FRY: variants seen among roughly 807,000 people sequenced by gnomAD.
The protein encoded by FRY is protein furry homolog.
A neutral mutation model predicts 348.4 loss-of-function variants in FRY; 128 were observed. The ratio of observed to expected loss-of-function variants is 0.37; its 90% CI spans 0.32 to 0.43. The LOEUF (loss-of-function observed/expected upper bound fraction) is 0.43, where lower values mean the gene tolerates loss of function less well. FRY is among the 20% of genes least tolerant of loss of function. The pLI is 1.00. For synonymous variants in FRY, 1,370 were observed against 1,374.7 expected (o/e 1.00, Z 0.08); for missense variants, 2,736 against 3,695.2 (o/e 0.74, Z 6.73).
chr13:32,239,616 A>G lies in FRY; in HGVS notation c.6517-95A>G. 1.1e-6 allele frequency: 1 copy of G among 876,986 alleles called. No homozygotes were observed. Among genetic ancestry groups the G allele is most frequent in the Non-Finnish European group, 1.9e-6 (1 of 537,950 alleles). 54.3% of individuals were successfully genotyped at this position (876,986 alleles called of 1,614,324 possible). On this transcript the variant is annotated intron_variant, in intron 45 of 60. Transcript: ENST00000542859. The surrounding 1 kb of genome is among the most constrained non-coding windows in gnomAD (Gnocchi z 4.3). The stretch of plus-strand genomic sequence containing the variant: ...TAATTACCAAAAAGTGTATCAATCT[A>G]CTTTCCAGATGGCCAGAGCTTATAG...
At chr13:32,224,106 A>AC in intron 36 of FRY, 129 bp from the exon 37 acceptor site, 1 of 953,320 alleles carries the variant, frequency 1.0e-6, no homozygotes, top group Non-Finnish European at 1.6e-6. Context: ...CCTAAAAAAA[A>AC]TTTAAAAATG....
chr13:32,062,218 A>G (rs866474359), intron 1 of FRY, among the ~76,000 whole-genome samples: 2 of 151,898 alleles, frequency 1.3e-5, no homozygotes, highest in African/African-American at 4.8e-5. Context: ...ACAAGCATAC[A>G]AGATAAATGA....
chr13:32,159,152 C>T (rs1409519833), intron 16 of FRY, among the ~76,000 whole-genome samples: 2 of 151,794 alleles, frequency 1.3e-5, no homozygotes, highest in African/African-American at 4.8e-5. Context: ...CCTATTCAAA[C>T]ATCTTAAGAC....
intron 1 of FRY, among the ~76,000 whole-genome samples, chr13:32,050,573 G>A (rs1051682712): frequency 2.0e-5 from 3 of 152,112 alleles, no homozygotes; most frequent in African/African-American, 4.8e-5. Context: ...CTAATCTTAG[G>A]GGAATTTTTG....
chr13:32,117,640 C>T (rs1384545095), intron 4 of FRY, among the ~76,000 whole-genome samples, 167 bp downstream of exon 4: 3 of 152,150 alleles, frequency 2.0e-5, no homozygotes, highest in South Asian at 2.1e-4. Flanking sequence ...ATTTGGAGCA[C>T]CGAGTCACTG....
intron 50 of FRY, 103 bp from the exon 51 acceptor site, chr13:32,254,121 T>TG: frequency 3.1e-6 from 3 of 982,160 alleles, no homozygotes; most frequent in Non-Finnish European, 5.0e-6. Flanking sequence ...AGGAATTAGG[T>TG]GTGTACTGGA....
intron 46 of FRY, 37 bp from the exon 47 acceptor site, chr13:32,244,005 G>A (rs1444481536): frequency 6.2e-7 from 1 of 1,609,674 alleles, no homozygotes; most frequent in Non-Finnish European, 8.5e-7. Context: ...CGGAGATCTG[G>A]TGTGTGACTG....
rs534715950 is a variant in FRY, at chr13:32,295,812, A to G, written c.*352A>G. 3.8e-5 allele frequency: 10 copies of G among 264,950 alleles called. No individual in the cohort carries two copies. In the East Asian group the frequency reaches 6.7e-4, roughly 18 times the overall value. 16.4% of individuals were successfully genotyped at this position (264,950 alleles called of 1,614,324 possible). ...TTTCTAGAAACAATTTTAGATTGGC[A>G]AAAGTGCAATGTTTTCTTCACTCAA... On this transcript the variant is annotated 3_prime_UTR_variant, in exon 61 of 61. Coordinates refer to ENST00000542859, the MANE Select transcript of FRY (RefSeq NM_023037.3).
intron 1 of FRY, among the ~76,000 whole-genome samples, chr13:32,056,236 G>C (rs1373412649): frequency 6.6e-6 from 1 of 151,264 alleles, no homozygotes; most frequent in African/African-American, 2.4e-5. Context: ...ATCAGAGAAT[G>C]GGTGATCTTT....
chr13:32,186,467 C>G, intron 27 of FRY, 47 bp downstream of exon 27: 1 of 1,197,794 alleles, frequency 8.3e-7, no homozygotes, highest in Non-Finnish European at 1.2e-6. Context: ...TGGATGGTCT[C>G]TCTCGTTAAA....
chr13:32,036,088 A>T (rs946567173), intron 1 of FRY, among the ~76,000 whole-genome samples: 5 of 152,212 alleles, frequency 3.3e-5, no homozygotes, highest in Admixed American at 1.3e-4. Context: ...ATGCCTGTTT[A>T]TGTTGCAAGT....
intron 8 of FRY, among the ~76,000 whole-genome samples, chr13:32,133,764 C>CTTTTTTTTT (rs1259372646): frequency 2.1e-3 from 228 of 108,314 alleles, no homozygotes; most frequent in Middle Eastern, 5.4e-3. Flanking sequence ...TTCTTTCTTT[C>CTTTTTTTTT]TTTCTTTTTT....
At chr13:32,130,495 TTG>T (rs1879291586) in intron 7 of FRY, among the ~76,000 whole-genome samples, 1 of 151,756 alleles carries the variant, frequency 6.6e-6, no homozygotes, top group African/African-American at 2.4e-5. Flanking sequence ...TGTGTATTTT[TTG>T]GTGAATAGAC....
At chr13:32,053,898 G>A (rs1400954273) in intron 1 of FRY, among the ~76,000 whole-genome samples, 3 of 152,116 alleles carry the variant, frequency 2.0e-5, no homozygotes, top group African/African-American at 7.2e-5. Context: ...ACTGCACAAG[G>A]AGAATCGCTT....
At chr13:32,047,267 G>A (rs193096005) in intron 1 of FRY, among the ~76,000 whole-genome samples, 60 of 152,260 alleles carry the variant, frequency 3.9e-4, no homozygotes, top group African/African-American at 1.4e-3. Context: ...GTAAGTTAAT[G>A]GTTTTGTCAT....
At chr13:32,124,123 C>G (rs1438748740) in intron 4 of FRY, among the ~76,000 whole-genome samples, 163 bp from the exon 5 acceptor site, 1 of 152,144 alleles carries the variant, frequency 6.6e-6, no homozygotes, top group Admixed American at 6.5e-5. Flanking sequence ...CAGGCATGAG[C>G]CACTCCGCCC....
At position 32,297,267 on chromosome 13, in the gene FRY, AT is replaced by A. The variant is rs1486087334; in HGVS notation, c.*1814del. On this transcript the variant is annotated 3_prime_UTR_variant, in exon 61 of 61. Transcript: ENST00000542859. Reference sequence around the variant, plus strand: ...TGAAAACATATTTTTCTGATGATTTATTTTTTTCAACTTGCCTGAAAGATGA... The same window carrying A: ...TGAAAACATATTTTTCTGATGATTTATTTTTTCAACTTGCCTGAAAGATGA... 1.3e-5 allele frequency: 2 copies of A among 152,128 alleles called. No homozygotes were observed. The highest frequency in any genetic ancestry group is 2.9e-5 in the Non-Finnish European group (2 of 68,014). 9.4% of individuals were successfully genotyped at this position (152,128 alleles called of 1,614,324 possible). A position where few individuals can be genotyped will look rare whatever the true frequency, so the allele number is the denominator to read the frequency against.
chr13:32,075,326 C>G (rs1874977754), intron 1 of FRY, among the ~76,000 whole-genome samples: 1 of 152,174 alleles, frequency 6.6e-6, no homozygotes, highest in South Asian at 2.1e-4. Flanking sequence ...TCAAAGCCCT[C>G]AAGCCTGTGA....
intron 1 of FRY, among the ~76,000 whole-genome samples, chr13:32,063,116 G>A (rs146619030): frequency 1.3e-5 from 2 of 152,244 alleles, no homozygotes; most frequent in African/African-American, 4.8e-5. Context: ...TCCCCAAGGG[G>A]ACCCTGGCGG....
Sources: allele counts gnomAD v4.1 joint callset (sites outside exome capture counted in the v4.1 genomes callset), GRCh38; gene constraint gnomAD v4.1.1; non-coding constraint Gnocchi (gnomAD v3.1); transcripts MANE v1.5; gene names NCBI Gene and HGNC (gene_info 2026-07-23, HGNC 2026-07-21).